NSMCE2: variants seen among roughly 807,000 people sequenced by gnomAD.
The protein encoded by NSMCE2 is NSE2 SUMO ligase component of SMC5/6 complex, also known as E3 SUMO-protein ligase NSE2.
In NSMCE2, 24 loss-of-function variants were observed where a neutral mutation model predicts 23.8. The observed-to-expected ratio is 1.01, with a 90% CI of 0.73 to 1.42. The LOEUF is 1.42. Ranked by LOEUF, NSMCE2 falls within the 40% of genes most tolerant of loss-of-function variation. The probability of loss-of-function intolerance (pLI) is 0.00; values close to 1 mark genes in which losing one functional copy is unlikely to be tolerated. For missense variants in NSMCE2, 284 were observed against 296.5 expected, an observed-to-expected ratio of 0.96 and a Z score of 0.31; for synonymous variants, 92 against 94.1, an observed-to-expected ratio of 0.98 and a Z score of 0.13.
chr8:125,256,916 CTG>C (rs1367330373), intron 5 of NSMCE2, among the ~76,000 whole-genome samples: 1 of 75,918 alleles, frequency 1.3e-5, no homozygotes, highest in Admixed American at 2.2e-4. Flanking sequence ...AAGCAAGACT[CTG>C]TGTCAAAAAA....
At chr8:125,277,655 C>T (rs1827517860) in intron 5 of NSMCE2, among the ~76,000 whole-genome samples, 2 of 152,026 alleles carry the variant, frequency 1.3e-5, no homozygotes, top group African/African-American at 2.4e-5. Flanking sequence ...TACAGGCACC[C>T]GCCACCACAC....
At chr8:125,335,357 A>G (rs1217239509) in intron 5 of NSMCE2, among the ~76,000 whole-genome samples, 1 of 152,204 alleles carries the variant, frequency 6.6e-6, no homozygotes, top group African/African-American at 2.4e-5. Context: ...AGGTATTTTC[A>G]TCCAGACAGG....
intron 3 of NSMCE2, among the ~76,000 whole-genome samples, chr8:125,111,307 T>G (rs2130429046): frequency 6.6e-6 from 1 of 152,250 alleles, no homozygotes; most frequent in African/African-American, 2.4e-5. Flanking sequence ...AGCATTTCCT[T>G]GAGAGAATAG....
chr8:125,099,840 GA>G (rs142348550), intron 1 of NSMCE2, among the ~76,000 whole-genome samples: 2,966 of 152,242 alleles, frequency 0.019, 35 homozygotes, highest in Non-Finnish European at 0.03. Context: ...CTGGTAACCA[GA>G]GGGGTAAGTG....
chr8:125,141,543 A>G (rs371726001), intron 3 of NSMCE2, among the ~76,000 whole-genome samples: 1 of 152,204 alleles, frequency 6.6e-6, no homozygotes, highest in South Asian at 2.1e-4. Context: ...CACTGAATTC[A>G]TGTTGTTGTA....
intron 4 of NSMCE2, among the ~76,000 whole-genome samples, chr8:125,177,104 C>T (rs1024535863): frequency 5.9e-5 from 9 of 152,204 alleles, no homozygotes; most frequent in African/African-American, 2.2e-4. Flanking sequence ...TTTATCACCT[C>T]CTCCTCTACC....
intron 4 of NSMCE2, among the ~76,000 whole-genome samples, chr8:125,163,614 C>G (rs537381627): frequency 5.3e-5 from 8 of 152,238 alleles, no homozygotes; most frequent in African/African-American, 1.4e-4. Context: ...TTGACTACCC[C>G]CCTGCCCCAC....
At position 125,263,737 on chromosome 8, in the gene NSMCE2, G is replaced by A. The variant is rs933386626; in HGVS notation, c.418+81481G>A. Among the ~76,000 whole-genome samples the A allele has an allele frequency of 2.7e-5, 4 of 150,224 alleles. 1 individual carries two copies. Among genetic ancestry groups the A allele is most frequent in the Middle Eastern group, 6.4e-3 (2 of 314 alleles). On this transcript the variant is annotated intron_variant, in intron 5 of 7. Coordinates refer to ENST00000287437, the MANE Select transcript of NSMCE2 (RefSeq NM_173685.4). The stretch of plus-strand genomic sequence containing the variant: ...TGCACACCAGCCTCCGTGACAGAGC[G>A]AGACTCCATCTCAAAAAAAAACAAA...
At chr8:125,276,707 A>G (rs956418214) in intron 5 of NSMCE2, among the ~76,000 whole-genome samples, 3 of 152,202 alleles carry the variant, frequency 2.0e-5, no homozygotes, top group African/African-American at 7.2e-5. Context: ...TATACTATAT[A>G]CAGATGTATT....
intron 5 of NSMCE2, among the ~76,000 whole-genome samples, chr8:125,313,567 C>T (rs1167514875): frequency 6.6e-6 from 1 of 152,166 alleles, no homozygotes; most frequent in Non-Finnish European, 1.5e-5. Flanking sequence ...TCACGACTTG[C>T]CAGCTTAGCT....
At chr8:125,343,394 T>G (rs1830317942) in intron 5 of NSMCE2, among the ~76,000 whole-genome samples, 2 of 152,226 alleles carry the variant, frequency 1.3e-5, no homozygotes, top group African/African-American at 4.8e-5. Context: ...GCTATTAAAG[T>G]CTCACATTCT....
chr8:125,317,723 T>A (rs909643829), intron 5 of NSMCE2, among the ~76,000 whole-genome samples: 3 of 152,210 alleles, frequency 2.0e-5, no homozygotes, highest in Non-Finnish European at 4.4e-5. Context: ...TTTCACTTGT[T>A]AATTATGCAT....
intron 3 of NSMCE2, among the ~76,000 whole-genome samples, chr8:125,140,660 CAT>C (rs759618412): frequency 2.0e-5 from 3 of 151,678 alleles, no homozygotes; most frequent in African/African-American, 4.8e-5. Flanking sequence ...AAAAAAAAAA[CAT>C]ATGAGATTTA....
At chr8:125,205,021 C>T (rs10093813) in intron 5 of NSMCE2, among the ~76,000 whole-genome samples, 24,141 of 152,164 alleles carry the variant, frequency 0.16, 2,945 homozygotes, top group African/African-American at 0.34. Flanking sequence ...ACTTTCTCAC[C>T]GCTCTCCTCT....
intron 4 of NSMCE2, among the ~76,000 whole-genome samples, chr8:125,158,013 A>G (rs916918825): frequency 1.3e-5 from 2 of 152,210 alleles, no homozygotes; most frequent in Non-Finnish European, 2.9e-5. Context: ...AAGGAAGAGG[A>G]TATTCAGAAA....
intron 5 of NSMCE2, among the ~76,000 whole-genome samples, chr8:125,302,856 T>G (rs1828617641): frequency 6.6e-6 from 1 of 152,146 alleles, no homozygotes; most frequent in Non-Finnish European, 1.5e-5. Context: ...GCAAGACCAC[T>G]GCTCAGGAAC....
At chr8:125,200,977 G>C (rs188200055) in intron 5 of NSMCE2, among the ~76,000 whole-genome samples, 46 of 152,230 alleles carry the variant, frequency 3.0e-4, no homozygotes, top group African/African-American at 1.1e-3. Context: ...TGAAGCTTGT[G>C]CATGCATCAC....
chr8:125,326,039 C>T (rs1454287097), intron 5 of NSMCE2, among the ~76,000 whole-genome samples: 2 of 151,914 alleles, frequency 1.3e-5, no homozygotes, highest in Non-Finnish European at 2.9e-5. Flanking sequence ...AGGTGGATCA[C>T]GAGGTCAGGA....
intron 5 of NSMCE2, among the ~76,000 whole-genome samples, chr8:125,317,780 A>T (rs1829269436): frequency 6.6e-6 from 1 of 152,242 alleles, no homozygotes; most frequent in Non-Finnish European, 1.5e-5. Flanking sequence ...ACATCCAGAA[A>T]ATATGCAAAA....
Sources: allele counts gnomAD v4.1 joint callset (sites outside exome capture counted in the v4.1 genomes callset), GRCh38; gene constraint gnomAD v4.1.1; transcripts MANE v1.5; gene names NCBI Gene and HGNC (gene_info 2026-07-23, HGNC 2026-07-21).